The following METAP1 variants were observed in gnomAD, a reference collection of about 807,000 sequenced individuals.
METAP1 encodes the protein methionyl aminopeptidase 1, also known as methionine aminopeptidase 1.
In METAP1, 28 loss-of-function variants were observed where a neutral mutation model predicts 53.8. That is an observed-to-expected ratio of 0.52 (90% CI 0.39 to 0.71). The LOEUF (loss-of-function observed/expected upper bound fraction) is 0.71, where lower values mean the gene tolerates loss of function less well. Among genes scored for constraint, METAP1 ranks in the 30% least tolerant of loss-of-function variants. The pLI is 0.00. For synonymous variants in METAP1, 181 were observed against 165.7 expected, an observed-to-expected ratio of 1.09 and a Z score of -0.71; for missense variants, 389 against 479.8, an observed-to-expected ratio of 0.81 and a Z score of 1.77.
At chr4:99,020,264 A>G (rs1359293738) in intron 1 of METAP1, among the ~76,000 whole-genome samples, 3 of 152,298 alleles carry the variant, frequency 2.0e-5, no homozygotes, top group Admixed American at 1.3e-4. Flanking sequence ...GCAAAGGCTT[A>G]AGCTCTTTCT....
chr4:99,047,992 G>A (rs767138834), intron 8 of METAP1, among the ~76,000 whole-genome samples: 1 of 152,168 alleles, frequency 6.6e-6, no homozygotes, highest in Non-Finnish European at 1.5e-5. Flanking sequence ...AAGTCTTTTA[G>A]AAGTTGTCCA....
chr4:99,003,355 C>G (rs1379077108), intron 1 of METAP1, among the ~76,000 whole-genome samples: 1 of 152,174 alleles, frequency 6.6e-6, no homozygotes, highest in African/African-American at 2.4e-5. Context: ...TTAACCCTGT[C>G]TTATCCAGCA....
In METAP1 at chr4:99,034,313, A is replaced by G. The variant is rs769301118; in HGVS notation, c.250A>G (p.Thr84Ala). The G allele has an allele frequency of 1.2e-5, 18 of 1,544,556 alleles. No homozygotes were observed. In the Admixed American group the frequency reaches 1.4e-4, roughly 12 times the overall value. ...NTDPWAGYRYTGKLRPHYPLM... is the reference protein window; with the variant it reads ...NTDPWAGYRYAGKLRPHYPLM... ...TGACCCATGGGCAGGTTATCGATAT[A>G]CTGGTAAACTCAGACCACATTATCC... The change falls in exon 3 of 11, where the codon ACT becomes GCT. Residue 84 changes from threonine (T) to alanine (A), a missense_variant. By Grantham distance (58) the Thr-to-Ala change is moderately conservative (BLOSUM62 0). Transcript: ENST00000296411.
At chr4:99,033,869 C>T (rs1725237595) in intron 2 of METAP1, among the ~76,000 whole-genome samples, 1 of 152,144 alleles carries the variant, frequency 6.6e-6, no homozygotes, top group African/African-American at 2.4e-5. Flanking sequence ...GCTTATGTTT[C>T]ATATTTTAAA....
intron 9 of METAP1, among the ~76,000 whole-genome samples, chr4:99,054,595 GCTAA>G (rs1401711704): frequency 2.6e-5 from 4 of 152,174 alleles, no homozygotes; most frequent in African/African-American, 9.7e-5. Context: ...TCACAATGTG[GCTAA>G]CTCTTTGGAA....
chr4:99,014,533 G>A (rs1234489008), intron 1 of METAP1, among the ~76,000 whole-genome samples: 1 of 152,074 alleles, frequency 6.6e-6, no homozygotes, highest in Non-Finnish European at 1.5e-5. Context: ...AAATAACGTT[G>A]ACTCGAGTCT....
chr4:99,018,191 G>C (rs1001928390), intron 1 of METAP1, among the ~76,000 whole-genome samples: 1 of 152,250 alleles, frequency 6.6e-6, no homozygotes, highest in East Asian at 1.9e-4. Flanking sequence ...CATTTCCCTC[G>C]ACCTGTTCAG....
intron 1 of METAP1, among the ~76,000 whole-genome samples, chr4:99,007,343 G>C (rs931600605): frequency 6.6e-6 from 1 of 152,170 alleles, no homozygotes; most frequent in Admixed American, 6.6e-5. Flanking sequence ...TGGTGGTTCT[G>C]TTCCTAGCAG....
chr4:99,001,872 G>C (rs1402630560), intron 1 of METAP1, among the ~76,000 whole-genome samples: 1 of 152,016 alleles, frequency 6.6e-6, no homozygotes, highest in Non-Finnish European at 1.5e-5. Context: ...TTGGTTTGAG[G>C]GCCTTCTGGT....
At chr4:99,022,648 A>G (rs1724213177) in intron 1 of METAP1, 2 of 1,057,174 alleles carry the variant, frequency 1.9e-6, no homozygotes, top group Non-Finnish European at 2.8e-6. Context: ...CCTGGCGCTC[A>G]AAGGCAAGGT....
intron 9 of METAP1, among the ~76,000 whole-genome samples, chr4:99,052,786 G>A (rs901401177): frequency 4.6e-5 from 7 of 152,286 alleles, no homozygotes; most frequent in Admixed American, 1.3e-4. Context: ...TTCCTTTCAC[G>A]AAGGATTTTT....
At chr4:99,023,873 G>T in intron 1 of METAP1, 1 of 775,212 alleles carries the variant, frequency 1.3e-6, no homozygotes, top group Non-Finnish European at 1.6e-6. Flanking sequence ...AGTAGAGAAA[G>T]AGTTACTTAT....
intron 1 of METAP1, chr4:99,022,862 T>A: frequency 6.5e-7 from 1 of 1,546,766 alleles, no homozygotes; most frequent in Non-Finnish European, 8.8e-7. Context: ...CCACGGCTGC[T>A]GCTGCCTTCT....
chr4:99,046,303 A>T (rs1438062748), intron 8 of METAP1, among the ~76,000 whole-genome samples: 2 of 151,794 alleles, frequency 1.3e-5, no homozygotes, highest in Non-Finnish European at 2.9e-5. Flanking sequence ...AATCCCAGCT[A>T]CTCGGGAGGC....
chr4:99,019,709 C>T (rs1723974084), intron 1 of METAP1, among the ~76,000 whole-genome samples: 1 of 152,204 alleles, frequency 6.6e-6, no homozygotes, highest in Non-Finnish European at 1.5e-5. Context: ...CTCATGTATG[C>T]TTTCTCTGCT....
At chr4:99,060,262 C>T (rs764455259) in intron 10 of METAP1, among the ~76,000 whole-genome samples, 12 of 151,940 alleles carry the variant, frequency 7.9e-5, no homozygotes, top group Non-Finnish European at 1.3e-4. Flanking sequence ...TCCTATTGCT[C>T]ACTACTCCCA....
At chr4:99,043,193 A>G (rs1725999575) in intron 6 of METAP1, 56 bp from the exon 7 acceptor site, 2 of 1,321,998 alleles carry the variant, frequency 1.5e-6, no homozygotes, top group South Asian at 1.4e-5. Context: ...TAAAATCTGT[A>G]ATTTCATACA....
In METAP1 at chr4:99,061,340, C is replaced by T. The variant is rs1418941409; in HGVS notation, c.*23C>T. On this transcript the variant is annotated 3_prime_UTR_variant, in exon 11 of 11. Transcript: ENST00000296411. ...TAATTTCTCCCAAGATGGCACATCT[C>T]AGTACCTTCTTACTGTGCTATGCAT... is the stretch of plus-strand genomic sequence containing the variant. 1 of 1,597,124 alleles carries T rather than the reference C, an allele frequency of 6.3e-7. No individual in the cohort carries two copies. The highest frequency in any genetic ancestry group is 1.3e-5 in the African/African-American group (1 of 74,580).
chr4:99,046,046 T>C (rs62325198), intron 8 of METAP1, among the ~76,000 whole-genome samples: 5,649 of 152,282 alleles, frequency 0.037, 133 homozygotes, highest in African/African-American at 0.058. Context: ...AGGATTTTTC[T>C]CAGGCTGTCT....
Sources: gnomAD v4.1 joint callset for allele counts (sites outside exome capture counted in the v4.1 genomes callset) on GRCh38, gnomAD v4.1.1 for gene constraint, MANE v1.5 for transcripts, NCBI Gene and HGNC (gene_info 2026-07-23, HGNC 2026-07-21) for gene names.